The following IKZF3 variants were observed in gnomAD, a reference collection of about 807,000 sequenced individuals.
IKZF3 encodes the protein zinc finger protein Aiolos.
IKZF3 carries 10 observed loss-of-function variants against 49.0 expected under a neutral mutation model. That is an observed-to-expected ratio of 0.20 (90% CI 0.13 to 0.35). The LOEUF is 0.35. Ranked by LOEUF, IKZF3 falls within the 10% of genes least tolerant of loss-of-function variation. IKZF3 has a pLI of 1.00. For synonymous variants in IKZF3, 209 were observed against 228.2 expected, an observed-to-expected ratio of 0.92 and a Z score of 0.76; for missense variants, 498 against 664.8, an observed-to-expected ratio of 0.75 and a Z score of 2.76.
At position 39,763,734 on chromosome 17, in the gene IKZF3, CTT is replaced by C. The variant is rs1189304278; in HGVS notation, c.*2054_*2055del. The stretch of plus-strand genomic sequence containing the variant: ...ATACATTAGGAGGTTTAAAAAATAC[CTT>C]GTGGTTACTGCATAATCACATATGA... On this transcript the variant is annotated 3_prime_UTR_variant, in exon 8 of 8. Coordinates refer to ENST00000346872, the MANE Select transcript of IKZF3 (RefSeq NM_012481.5). 1 of 152,206 alleles carries C rather than the reference CTT, an allele frequency of 6.6e-6. No individual in the cohort carries two copies. Among genetic ancestry groups the C allele is most frequent in the Non-Finnish European group, 1.5e-5 (1 of 68,044 alleles). The allele number at this position is 152,206 out of a possible 1,614,324, so 9.4% of individuals were successfully genotyped here.
At chr17:39,845,213 A>G (rs1322115945) in intron 1 of IKZF3, among the ~76,000 whole-genome samples, 1 of 152,174 alleles carries the variant, frequency 6.6e-6, no homozygotes, top group Non-Finnish European at 1.5e-5. Flanking sequence ...TTCAAATTGC[A>G]GTGTTCATCA....
intron 3 of IKZF3, among the ~76,000 whole-genome samples, chr17:39,809,493 CTG>C (rs982142126): frequency 3.9e-5 from 6 of 152,188 alleles, no homozygotes; most frequent in Non-Finnish European, 8.8e-5. Context: ...CATTCACCTG[CTG>C]TGTGTGTGAC....
chr17:39,863,837 C>T (rs748513570), intron 1 of IKZF3, among the ~76,000 whole-genome samples: 1 of 152,208 alleles, frequency 6.6e-6, no homozygotes, highest in Non-Finnish European at 1.5e-5. Flanking sequence ...AGGGACACCC[C>T]TTAAGTGCTC....
intron 7 of IKZF3, among the ~76,000 whole-genome samples, chr17:39,770,858 T>C (rs568955110): frequency 6.6e-4 from 99 of 149,236 alleles, no homozygotes; most frequent in Non-Finnish European, 1.2e-3. Flanking sequence ...CAGGATGGAG[T>C]GCAATGGTAC....
intron 3 of IKZF3, among the ~76,000 whole-genome samples, chr17:39,797,425 C>CTTT (rs35588873): frequency 7.3e-5 from 10 of 137,500 alleles, no homozygotes; most frequent in African/African-American, 2.1e-4. Context: ...TTCTTTCTTT[C>CTTT]TTTTTTTTTT....
At chr17:39,838,823 T>C (rs913255285) in intron 1 of IKZF3, among the ~76,000 whole-genome samples, 1 of 152,184 alleles carries the variant, frequency 6.6e-6, no homozygotes, top group Non-Finnish European at 1.5e-5. Flanking sequence ...CTGAAGCATG[T>C]AGGAATCTTT....
rs774850335 is a variant in IKZF3, at chr17:39,759,449, T to A, written c.*6341A>T. 1 of 151,878 alleles carries A rather than the reference T, an allele frequency of 6.6e-6. No individual in the cohort carries two copies. Among genetic ancestry groups the A allele is most frequent in the Non-Finnish European group, 1.5e-5 (1 of 67,984 alleles). 9.4% of individuals were successfully genotyped at this position (151,878 alleles called of 1,614,324 possible). ...AAAAAGAAAAAAAAAAAGAGGAAAC[T>A]TGTATCCAATTTATTCAAACTGCAA... On this transcript the variant is annotated 3_prime_UTR_variant, in exon 8 of 8. Transcript: ENST00000346872.
chr17:39,797,642 C>T (rs147218931), intron 3 of IKZF3, among the ~76,000 whole-genome samples: 7 of 152,024 alleles, frequency 4.6e-5, no homozygotes, highest in Admixed American at 2.6e-4. Context: ...AGGCTGGTCT[C>T]GAACTCCTGA....
chr17:39,853,815 C>A (rs1290895408), intron 1 of IKZF3, among the ~76,000 whole-genome samples: 1 of 142,686 alleles, frequency 7.0e-6, no homozygotes. Context: ...AGCCTGGCAA[C>A]AAGAGCGAAA....
chr17:39,766,613 A>G, intron 7 of IKZF3, 120 bp from the exon 8 acceptor site: 1 of 793,366 alleles, frequency 1.3e-6, no homozygotes. Flanking sequence ...CAAGAAGACC[A>G]AGCCTGGCAG....
At position 39,765,199 on chromosome 17, in the gene IKZF3, T is replaced by C. The variant is rs1206343610; in HGVS notation, c.*591A>G. On this transcript the variant is annotated 3_prime_UTR_variant, in exon 8 of 8. Transcript: ENST00000346872. ...AAGCAGAAGTGCCATCAGATGACAT[T>C]TTTTAAAAATGTTGTGATAGGAAAT... 6.6e-6 allele frequency: 1 copy of C among 152,388 alleles called. No homozygotes were observed. The highest frequency in any genetic ancestry group is 1.5e-5 in the Non-Finnish European group (1 of 68,082). 9.4% of individuals were successfully genotyped at this position (152,388 alleles called of 1,614,324 possible).
chr17:39,764,475 A>C lies in IKZF3; in HGVS notation c.*1315T>G, dbSNP rs1368648921. The C allele has an allele frequency of 6.5e-6, 1 of 153,134 alleles. No individual in the cohort carries two copies. The highest frequency in any genetic ancestry group is 1.9e-4 in the East Asian group (1 of 5,218). The allele number at this position is 153,134 out of a possible 1,614,324, so 9.5% of individuals were successfully genotyped here. On this transcript the variant is annotated 3_prime_UTR_variant, in exon 8 of 8. Transcript: ENST00000346872. ...GTGAGATCCTGTCTCAAAAAAAAAA[A>C]AAAAAAAAAAGTTAAACGATTTCTC...
chr17:39,859,233 TGA>T (rs887356735), intron 1 of IKZF3, among the ~76,000 whole-genome samples: 17 of 152,050 alleles, frequency 1.1e-4, no homozygotes, highest in African/African-American at 4.1e-4. Context: ...AGTATTTTGA[TGA>T]GTTATATAGT....
intron 1 of IKZF3, among the ~76,000 whole-genome samples, chr17:39,842,059 ACCAGAT>A (rs1568050223): frequency 8.7e-5 from 6 of 68,866 alleles, no homozygotes; most frequent in South Asian, 5.4e-4. Context: ...AAAAAAAAAA[ACCAGAT>A]AAAATATAGA....
chr17:39,786,964 A>G (rs2060889740), intron 6 of IKZF3, among the ~76,000 whole-genome samples: 1 of 151,940 alleles, frequency 6.6e-6, no homozygotes, highest in Non-Finnish European at 1.5e-5. Flanking sequence ...CTAAAATAAA[A>G]GTTTCCTCTC....
chr17:39,828,354 T>C (rs764698260), intron 3 of IKZF3, among the ~76,000 whole-genome samples: 1 of 152,210 alleles, frequency 6.6e-6, no homozygotes, highest in Non-Finnish European at 1.5e-5. Flanking sequence ...GAGAGGTGCT[T>C]GCTAGACTAG....
Position 39,791,448 on chromosome 17 carries a change from T to A in IKZF3, c.560A>T (p.Asp187Val). The change falls in exon 5 of 8, where the codon GAT (aspartate) becomes GTT (valine). Residue 187 changes from aspartate to valine, a missense_variant. This residue lies in a region of IKZF3 where 84 missense variants were observed against 168.6 expected (regional missense o/e 0.50). Transcript: ENST00000346872. Reference protein sequence around the residue: ...HLCNYACQRRDALTGHLRTHS... With the variant: ...HLCNYACQRRVALTGHLRTHS... ...TGTCCTAAGATGCCCCGTGAGCGCA[T>A]CTCTTCTTTGGCATGCATAGTTGCA... 1 of 1,614,042 alleles carries A rather than the reference T, an allele frequency of 6.2e-7. No individual in the cohort carries two copies. The highest frequency in any genetic ancestry group is 2.2e-5 in the East Asian group (1 of 44,884).
chr17:39,799,514 C>T (rs1185477950), intron 3 of IKZF3, among the ~76,000 whole-genome samples: 1 of 152,214 alleles, frequency 6.6e-6, no homozygotes, highest in East Asian at 1.9e-4. Flanking sequence ...TCTCTCTATA[C>T]TAGAACTTTA....
At chr17:39,785,357 T>C (rs1476605366) in intron 6 of IKZF3, among the ~76,000 whole-genome samples, 1 of 151,966 alleles carries the variant, frequency 6.6e-6, no homozygotes, top group Admixed American at 6.6e-5. Context: ...GAAAAAAAAA[T>C]CAAAACTTGC....
Sources: gnomAD v4.1 joint callset for allele counts (sites outside exome capture counted in the v4.1 genomes callset) on GRCh38, gnomAD v4.1.1 for gene constraint, gnomAD v4.1.1 regional missense constraint, MANE v1.5 for transcripts, NCBI Gene and HGNC (gene_info 2026-07-23, HGNC 2026-07-21) for gene names.